Variants in VPS33A observed in about 807,000 individuals in gnomAD.
The protein encoded by VPS33A is VPS33A core subunit of CORVET and HOPS complexes.
VPS33A carries 32 observed loss-of-function variants against 71.8 expected under a neutral mutation model. The ratio of observed to expected loss-of-function variants is 0.45; its 90% CI spans 0.34 to 0.60. The LOEUF is 0.60. Ranked by LOEUF, VPS33A falls within the 20% of genes least tolerant of loss-of-function variation. The probability of loss-of-function intolerance (pLI) is 0.02; values close to 1 mark genes in which losing one functional copy is unlikely to be tolerated. For missense variants in VPS33A, 625 were observed against 748.5 expected (o/e 0.84, Z 1.92); for synonymous variants, 311 against 292.7 (o/e 1.06, Z -0.64).
intron 4 of VPS33A, among the ~76,000 whole-genome samples, chr12:122,258,288 G>A (rs756573843): frequency 2.0e-5 from 3 of 151,910 alleles, no homozygotes; most frequent in Non-Finnish European, 4.4e-5. Context: ...GTGATCCTGG[G>A]GTAGGCAATG....
intron 7 of VPS33A, among the ~76,000 whole-genome samples, chr12:122,243,299 G>A (rs1170397738): frequency 6.6e-6 from 1 of 152,150 alleles, no homozygotes; most frequent in Non-Finnish European, 1.5e-5. Context: ...AGGCTGGAGT[G>A]CAGTGGTGTC....
rs1224722173 is a variant in VPS33A at position 122,244,669 on chromosome 12, T to A, written c.869A>T (p.Asn290Ile). The A allele has an allele frequency of 1.2e-6, 2 of 1,614,208 alleles. No individual in the cohort carries two copies. Among genetic ancestry groups the A allele is most frequent in the African/African-American group, 2.7e-5 (2 of 75,068 alleles). ...LPTEAKKLQL[N>I]SAEELYAEIR... ...CTCAGCATAGAGCTCCTCTGCAGAA[T>A]TCAGCTGCAGCTTCTTTGCTTCCGT... Residue 290 changes from asparagine to isoleucine, a missense_variant, in exon 7 of 13, where the codon AAT becomes ATT. Asn to Ile is a moderately radical substitution (Grantham distance 149). Transcript: ENST00000267199.
At chr12:122,250,418 G>C (rs1566046122) in intron 5 of VPS33A, among the ~76,000 whole-genome samples, 1 of 152,162 alleles carries the variant, frequency 6.6e-6, no homozygotes, top group African/African-American at 2.4e-5. Flanking sequence ...TGATCAATAC[G>C]TAACCCAGTT....
intron 6 of VPS33A, among the ~76,000 whole-genome samples, chr12:122,247,899 A>G (rs1954796440): frequency 6.6e-6 from 1 of 151,464 alleles, no homozygotes; most frequent in South Asian, 2.1e-4. Flanking sequence ...ATTTTCACCT[A>G]TTTTATTATT....
At position 122,232,342 on chromosome 12, in the gene VPS33A, G is replaced by C; in HGVS notation, c.1695C>G (p.Ser565=). ...ATTCTGTACCTCCATCTTCCAACTG[G>C]GAGAGAAATCGCAGGGCAGCAATTT... is the stretch of plus-strand genomic sequence containing the variant. The part of the protein sequence containing the change: ...FAEIAALRFL[S]QLEDGGTEYV... The change falls in exon 13 of 13, where the codon TCC becomes TCG. Residue 565 remains serine (S), a synonymous_variant. Coordinates refer to ENST00000267199, the MANE Select transcript of VPS33A (RefSeq NM_022916.6). The C allele has an allele frequency of 6.2e-7, 1 of 1,614,142 alleles. No individual in the cohort carries two copies. Among genetic ancestry groups the C allele is most frequent in the Non-Finnish European group, 8.5e-7 (1 of 1,180,032 alleles).
At chr12:122,264,511 T>C (rs1566055156) in intron 1 of VPS33A, among the ~76,000 whole-genome samples, 1 of 152,198 alleles carries the variant, frequency 6.6e-6, no homozygotes, top group South Asian at 2.1e-4. Flanking sequence ...CTGCCTCAGC[T>C]TCCTGAGTAG....
intron 4 of VPS33A, among the ~76,000 whole-genome samples, chr12:122,257,489 C>G (rs909030593): frequency 7.0e-6 from 1 of 143,722 alleles, no homozygotes; most frequent in Non-Finnish European, 1.5e-5. Flanking sequence ...CTGGACAACA[C>G]GGTGAAACCC....
chr12:122,254,395 A>C (rs74659841), intron 4 of VPS33A, among the ~76,000 whole-genome samples: 7,914 of 50,290 alleles, frequency 0.16, no homozygotes, highest in Middle Eastern at 0.22. Flanking sequence ...CCCCCAATCC[A>C]CCCCCCCGCC....
intron 4 of VPS33A, among the ~76,000 whole-genome samples, chr12:122,253,967 A>G (rs1954879545): frequency 6.6e-6 from 1 of 152,056 alleles, no homozygotes; most frequent in African/African-American, 2.4e-5. Flanking sequence ...CCAAAGTGCC[A>G]CCACACCCAG....
chr12:122,239,194 ATTGTT>A (rs1486606293), intron 9 of VPS33A, among the ~76,000 whole-genome samples: 1 of 152,212 alleles, frequency 6.6e-6, no homozygotes, highest in Non-Finnish European at 1.5e-5. Flanking sequence ...AGTATCAGTA[ATTGTT>A]TTATGTTAGG....
intron 11 of VPS33A, among the ~76,000 whole-genome samples, chr12:122,233,998 C>G (rs1049041744): frequency 6.6e-6 from 1 of 152,018 alleles, no homozygotes; most frequent in African/African-American, 2.4e-5. Context: ...TAGTTATGAG[C>G]TTTTGTTGCA....
At chr12:122,236,485 A>T (rs1954630801) in intron 10 of VPS33A, among the ~76,000 whole-genome samples, 1 of 152,072 alleles carries the variant, frequency 6.6e-6, no homozygotes, top group South Asian at 2.1e-4. Flanking sequence ...ACTAAAAATT[A>T]AAAAATTAGC....
chr12:122,243,546 T>C lies in VPS33A; in HGVS notation c.969+1023A>G, dbSNP rs539754457. On this transcript the variant is annotated intron_variant, in intron 7 of 12. Coordinates refer to ENST00000267199, the MANE Select transcript of VPS33A (RefSeq NM_022916.6). ...GAGCCACTGTGCCTGGCCTGAACCTTAGTCTTGAGTATAGTCTATGAACAA... is the reference window on the plus strand; with the variant it reads ...GAGCCACTGTGCCTGGCCTGAACCTCAGTCTTGAGTATAGTCTATGAACAA... Among the ~76,000 whole-genome samples the C allele has an allele frequency of 7.9e-5, 12 of 152,374 alleles. No homozygotes were observed. The East Asian group carries it at 2.3e-3, about 29-fold the overall frequency.
In VPS33A at chr12:122,250,120, A is replaced by T. The variant is rs187349239; in HGVS notation, c.601-75T>A. The stretch of plus-strand genomic sequence containing the variant: ...TTTTAAAATTTGTCTAAAACCAGAA[A>T]GACAATCAAAAAAGTAAAAAAGGAG... On this transcript the variant is annotated intron_variant, in intron 5 of 12. Transcript: ENST00000267199. 1,185 of 1,428,690 alleles carry T rather than the reference A, an allele frequency of 8.3e-4. 1 individual carries two copies. Among genetic ancestry groups the T allele is most frequent in the Middle Eastern group, 5.3e-3 (29 of 5,494 alleles). The allele number at this position is 1,428,690 out of a possible 1,614,324, so 88.5% of individuals were successfully genotyped here.
At chr12:122,255,006 G>A (rs1954897278) in intron 4 of VPS33A, among the ~76,000 whole-genome samples, 1 of 151,116 alleles carries the variant, frequency 6.6e-6, no homozygotes, top group African/African-American at 2.4e-5. Flanking sequence ...AGACGAGATG[G>A]CACCAACGCA....
chr12:122,262,357 G>A (rs1017984793), intron 3 of VPS33A, among the ~76,000 whole-genome samples: 1 of 152,162 alleles, frequency 6.6e-6, no homozygotes, highest in Non-Finnish European at 1.5e-5. Context: ...GATTGAAATA[G>A]GATATCTGTG....
At chr12:122,259,760 A>C (rs1954968084) in intron 4 of VPS33A, among the ~76,000 whole-genome samples, 1 of 152,098 alleles carries the variant, frequency 6.6e-6, no homozygotes, top group African/African-American at 2.4e-5. Flanking sequence ...GCCAGACACA[A>C]AGGACCATTT....
intron 4 of VPS33A, among the ~76,000 whole-genome samples, chr12:122,253,864 A>C (rs530767962): frequency 6.6e-6 from 1 of 151,814 alleles, no homozygotes; most frequent in African/African-American, 2.4e-5. Context: ...TGCCTGGCTA[A>C]GTTTTTGTGT....
Position 122,229,609 on chromosome 12 carries a change from G to A in VPS33A, c.*2637C>T, listed in dbSNP as rs1018444395. 2.0e-5 allele frequency: 3 copies of A among 152,060 alleles called. No individual in the cohort carries two copies. Among genetic ancestry groups the A allele is most frequent in the Admixed American group, 6.6e-5 (1 of 15,260 alleles). 9.4% of individuals were successfully genotyped at this position (152,060 alleles called of 1,614,324 possible). A position where few individuals can be genotyped will look rare whatever the true frequency, so the allele number is the denominator to read the frequency against. On this transcript the variant is annotated 3_prime_UTR_variant, in exon 13 of 13. Transcript: ENST00000267199. ...TTAAGGGGGCTGCTGGTGTAGAACT[G>A]TCTACCCAACTAGACAAAAGTCCAG...
Sources: allele counts gnomAD v4.1 joint callset (sites outside exome capture counted in the v4.1 genomes callset), GRCh38; gene constraint gnomAD v4.1.1; transcripts MANE v1.5; gene names NCBI Gene and HGNC (gene_info 2026-07-23, HGNC 2026-07-21).